PBX1: variants seen among roughly 807,000 people sequenced by gnomAD.
PBX1 encodes the protein pre-B-cell leukemia transcription factor 1.
Under a neutral mutation model 53.4 loss-of-function variants are expected in PBX1, and 6 were observed. The ratio of observed to expected loss-of-function variants is 0.11; its 90% CI spans 0.06 to 0.22. The LOEUF (loss-of-function observed/expected upper bound fraction) is 0.22, where lower values mean the gene tolerates loss of function less well. PBX1 is among the 10% of genes least tolerant of loss of function. The pLI is 1.00. For missense variants in PBX1, 251 were observed against 551.4 expected (o/e 0.46, Z 5.46); for synonymous variants, 204 against 212.3 (o/e 0.96, Z 0.34).
In PBX1 at chr1:164,843,510, G is replaced by T. The variant is rs372900790; in HGVS notation, c.1201-3074G>T. On this transcript the variant is annotated intron_variant, in intron 8 of 8. Transcript: ENST00000420696. The stretch of plus-strand genomic sequence containing the variant: ...GATGGATGGTCACCAAATCTGAGGG[G>T]GTGTGTGTGTGTGTATCTGTGTGCA... Among the ~76,000 whole-genome samples the T allele has an allele frequency of 5.1e-4, 77 of 151,598 alleles. 1 individual carries two copies. The highest frequency in any genetic ancestry group is 2.9e-3 in the East Asian group (15 of 5,146).
chr1:164,717,077 C>G (rs928923730), intron 2 of PBX1, among the ~76,000 whole-genome samples: 3 of 152,096 alleles, frequency 2.0e-5, no homozygotes, highest in African/African-American at 7.2e-5. Flanking sequence ...GCAGAATGGT[C>G]AGAAAGAGGA....
intron 2 of PBX1, chr1:164,682,638 C>T (rs545787835): frequency 1.3e-5 from 2 of 152,006 alleles, no homozygotes; most frequent in African/African-American, 4.8e-5. Flanking sequence ...CTAAGGATCA[C>T]CAGGCCTTAG....
intron 8 of PBX1, among the ~76,000 whole-genome samples, chr1:164,834,169 TTCATTCAC>T (rs1034866954): frequency 3.3e-5 from 5 of 151,608 alleles, no homozygotes; most frequent in Non-Finnish European, 5.9e-5. Flanking sequence ...CCATAATTCA[TTCATTCAC>T]TCATTCACTC....
intron 2 of PBX1, among the ~76,000 whole-genome samples, chr1:164,714,447 T>C (rs576164838): frequency 1.8e-4 from 27 of 152,370 alleles, no homozygotes; most frequent in African/African-American, 6.3e-4. Flanking sequence ...CCCTGTGTTA[T>C]AGATACTTAG....
intron 2 of PBX1, among the ~76,000 whole-genome samples, chr1:164,691,729 T>C (rs528035059): frequency 3.3e-5 from 5 of 152,282 alleles, no homozygotes; most frequent in East Asian, 1.9e-4. Context: ...ATAAGACTTC[T>C]TGCCTGTGAG....
chr1:164,823,150 A>G (rs557100154), intron 8 of PBX1, among the ~76,000 whole-genome samples: 1 of 152,292 alleles, frequency 6.6e-6, no homozygotes, highest in African/African-American at 2.4e-5. Context: ...CAATCATTTT[A>G]CTTTCTTGGA....
At chr1:164,640,620 G>A (rs559641507) in intron 2 of PBX1, among the ~76,000 whole-genome samples, 93 of 141,604 alleles carry the variant, frequency 6.6e-4, no homozygotes, top group African/African-American at 2.2e-3. Context: ...GCAGTGGCAC[G>A]ATCTCAGCTC....
chr1:164,841,942 C>T (rs987496893), intron 8 of PBX1, among the ~76,000 whole-genome samples: 1 of 152,204 alleles, frequency 6.6e-6, no homozygotes, highest in Non-Finnish European at 1.5e-5. Context: ...TCTGTGCTGA[C>T]ATCAGCCGGT....
intron 2 of PBX1, among the ~76,000 whole-genome samples, chr1:164,729,902 A>G (rs571032909): frequency 6.6e-6 from 1 of 152,374 alleles, no homozygotes; most frequent in East Asian, 1.9e-4. Context: ...TGTGGCAAGC[A>G]TTGTACATTC....
At position 164,813,754 on chromosome 1, in the gene PBX1, G is replaced by A. The variant is rs151019695; in HGVS notation, c.997+1605G>A. ...TGATTTATGACTAGTCCTTAGAAAA[G>A]CCCTGTGGACTTTCTTCATTACTAA... is the stretch of plus-strand genomic sequence containing the variant. On this transcript the variant is annotated intron_variant, in intron 6 of 8. Coordinates refer to ENST00000420696, the MANE Select transcript of PBX1 (RefSeq NM_002585.4). 2.2e-4 allele frequency: 33 copies of A among 152,292 alleles called. No individual in the cohort carries two copies. In the East Asian group the frequency reaches 6.0e-3, roughly 28 times the overall value. The allele number at this position is 152,292 out of a possible 1,614,324, so 9.4% of individuals were successfully genotyped here. A position where few individuals can be genotyped will look rare whatever the true frequency, so the allele number is the denominator to read the frequency against.
At position 164,734,515 on chromosome 1, in the gene PBX1, G is replaced by C. The variant is rs1665165402; in HGVS notation, c.266-57979G>C. Among the ~76,000 whole-genome samples, 3 of 152,144 alleles carry C rather than the reference G, an allele frequency of 2.0e-5. No homozygotes were observed. In the South Asian group the frequency reaches 6.2e-4, roughly 32 times the overall value. ...TCTAACTCATAAAGTTATGGATTGA[G>C]TACTCTTTGCCCCATATATGAAATG... is the stretch of plus-strand genomic sequence containing the variant. On this transcript the variant is annotated intron_variant, in intron 2 of 8. Transcript: ENST00000420696.
chr1:164,846,829 G>A lies in PBX1; in HGVS notation c.*153G>A. The stretch of plus-strand genomic sequence containing the variant: ...CTCCTTCTCTTCTCTTCTTTGGGAT[G>A]CTATTTCAGCCAATCTGGACACTTC... On this transcript the variant is annotated 3_prime_UTR_variant, in exon 9 of 9. Coordinates refer to ENST00000420696, the MANE Select transcript of PBX1 (RefSeq NM_002585.4). 2 of 1,477,036 alleles carry A rather than the reference G, an allele frequency of 1.4e-6. No individual in the cohort carries two copies. The highest frequency in any genetic ancestry group is 9.0e-7 in the Non-Finnish European group (1 of 1,116,002). The allele number at this position is 1,477,036 out of a possible 1,614,324, so 91.5% of individuals were successfully genotyped here. A position where few individuals can be genotyped will look rare whatever the true frequency, so the allele number is the denominator to read the frequency against.
chr1:164,858,447 GCACACACACACA>G (rs4035257), intron 2 of PBX1, among the ~76,000 whole-genome samples: 1 of 148,530 alleles, frequency 6.7e-6, no homozygotes, highest in Non-Finnish European at 1.5e-5. Context: ...CCCAGAGCCA[GCACACACACACA>G]CACACACACA....
intron 2 of PBX1, among the ~76,000 whole-genome samples, chr1:164,643,768 A>G (rs1396459337): frequency 6.6e-6 from 1 of 152,230 alleles, no homozygotes; most frequent in Admixed American, 6.5e-5. Context: ...TTTATAGATG[A>G]AGTTTGAGAG....
chr1:164,698,956 T>C (rs1046286021), intron 2 of PBX1, among the ~76,000 whole-genome samples: 2 of 152,130 alleles, frequency 1.3e-5, no homozygotes, highest in Admixed American at 6.5e-5. Context: ...GCTTCCATGA[T>C]CTGGAACCAC....
chr1:164,798,387 A>G (rs1032162721), intron 3 of PBX1, among the ~76,000 whole-genome samples: 2 of 152,256 alleles, frequency 1.3e-5, no homozygotes, highest in Admixed American at 6.5e-5. Context: ...TGAATCTAAT[A>G]TAGTTTTACA....
intron 2 of PBX1, among the ~76,000 whole-genome samples, chr1:164,731,597 G>A (rs1408942013): frequency 1.3e-5 from 2 of 152,192 alleles, no homozygotes; most frequent in East Asian, 3.9e-4. Flanking sequence ...GAGGCTGCCA[G>A]CAACAGGTAG....
In PBX1 at chr1:164,850,545, C is replaced by G. The variant is rs1288246318; in HGVS notation, c.*3869C>G. The G allele has an allele frequency of 5.2e-6, 1 of 191,916 alleles. No homozygotes were observed. Among genetic ancestry groups the G allele is most frequent in the African/African-American group, 2.3e-5 (1 of 42,888 alleles). 11.9% of individuals were successfully genotyped at this position (191,916 alleles called of 1,614,324 possible). ...TTTTTTTAATTGTCAGGATTATGAT[C>G]TTGCTGTTTTTCTTCAATATGTATA... On this transcript the variant is annotated 3_prime_UTR_variant, in exon 9 of 9. Coordinates refer to ENST00000420696, the MANE Select transcript of PBX1 (RefSeq NM_002585.4).
intron 2 of PBX1, among the ~76,000 whole-genome samples, chr1:164,629,843 TGATCAAAGGTAG>T: frequency 6.6e-6 from 1 of 152,102 alleles, no homozygotes; most frequent in Non-Finnish European, 1.5e-5. Context: ...GCCAATTCTT[TGATCAAAGGTAG>T]GAGTTTCTGT....
Sources: allele counts gnomAD v4.1 joint callset (sites outside exome capture counted in the v4.1 genomes callset), GRCh38; gene constraint gnomAD v4.1.1; transcripts MANE v1.5; gene names NCBI Gene and HGNC (gene_info 2026-07-23, HGNC 2026-07-21).